Variants in SERPINC1 observed in about 807,000 individuals in gnomAD.
SERPINC1 encodes the protein antithrombin-III.
Under a neutral mutation model 43.4 loss-of-function variants are expected in SERPINC1, and 12 were observed. The observed-to-expected ratio is 0.28, with a 90% CI of 0.18 to 0.45. The LOEUF (loss-of-function observed/expected upper bound fraction) is 0.45. Among genes scored for constraint, SERPINC1 ranks in the 20% least tolerant of loss-of-function variants. SERPINC1 has a pLI of 1.00. For synonymous variants in SERPINC1, 210 were observed against 218.9 expected (o/e 0.96, Z 0.36); for missense variants, 423 against 578.8 (o/e 0.73, Z 2.76).
At chr1:173,905,968 T>A (rs1657487560) in intron 6 of SERPINC1, among the ~76,000 whole-genome samples, 1 of 152,248 alleles carries the variant, frequency 6.6e-6, no homozygotes, top group African/African-American at 2.4e-5. Flanking sequence ...CACTTTCCTC[T>A]GAGTTTGATC....
chr1:173,914,992 C>A (rs1236569607), intron 1 of SERPINC1, 73 bp from the exon 2 acceptor site: 2 of 1,566,714 alleles, frequency 1.3e-6, no homozygotes, highest in Non-Finnish European at 1.7e-6. Context: ...AGGGTTGCCC[C>A]AGTAAAGCAG....
chr1:173,910,006 A>C lies in SERPINC1; in HGVS notation c.763-64T>G, dbSNP rs1045759562. Reference sequence around the variant, plus strand: ...AGGAGGATAGTTATTGACACAAGACATATCCATATTATAGTGTTACATTAA... The same window carrying C: ...AGGAGGATAGTTATTGACACAAGACCTATCCATATTATAGTGTTACATTAA... On this transcript the variant is annotated intron_variant, in intron 4 of 6. Transcript: ENST00000367698. 24 of 1,483,054 alleles carry C rather than the reference A, an allele frequency of 1.6e-5. No homozygotes were observed. In the African/African-American group the frequency reaches 3.3e-4, roughly 20 times the overall value. The allele number at this position is 1,483,054 out of a possible 1,614,324, so 91.9% of individuals were successfully genotyped here.
chr1:173,910,425 C>A (rs993118562), intron 4 of SERPINC1, among the ~76,000 whole-genome samples: 11 of 151,298 alleles, frequency 7.3e-5, no homozygotes, highest in Non-Finnish European at 1.3e-4. Context: ...AAAAAAAAAC[C>A]AAAAAATTAG....
intron 6 of SERPINC1, among the ~76,000 whole-genome samples, chr1:173,906,379 T>C (rs77518291): frequency 1.3e-5 from 2 of 152,340 alleles, no homozygotes; most frequent in African/African-American, 2.4e-5. Context: ...ACCGTCTTCT[T>C]TACTGTGGGA....
intron 3 of SERPINC1, 106 bp from the exon 4 acceptor site, chr1:173,910,997 C>A: frequency 2.3e-6 from 3 of 1,327,786 alleles, no homozygotes; most frequent in Non-Finnish European, 3.2e-6. Context: ...TCCTTTCCCA[C>A]CATTTGATTA....
At chr1:173,910,024 T>A in intron 4 of SERPINC1, 82 bp from the exon 5 acceptor site, 1 of 1,321,062 alleles carries the variant, frequency 7.6e-7, no homozygotes, top group Non-Finnish European at 1.1e-6. Flanking sequence ...ATTATAGTGT[T>A]ACATTAATAT....
At chr1:173,906,359 G>GTGA (rs1179276657) in intron 6 of SERPINC1, among the ~76,000 whole-genome samples, 1 of 152,248 alleles carries the variant, frequency 6.6e-6, no homozygotes, top group African/African-American at 2.4e-5. Flanking sequence ...AACACGTTAA[G>GTGA]TGATATTCAA....
In SERPINC1 at chr1:173,903,973, G is replaced by A. The variant is rs1301351856; in HGVS notation, c.1311C>T (p.Asn437=). 14 of 1,613,926 alleles carry A rather than the reference G, an allele frequency of 8.7e-6. No individual in the cohort carries two copies. The highest frequency in any genetic ancestry group is 1.1e-5 in the Non-Finnish European group (13 of 1,179,768). Residue 437 remains asparagine (N), a synonymous_variant, in exon 7 of 7, where the codon AAC becomes AAT. Transcript: ENST00000367698. ...LNPNRVTFKA[N]RPFLVFIREV... ...CTCTTATAAAAACCAGGAAAGGCCT[G>A]TTGGCCTTGAAAGTCACCCTGTTGG...
At chr1:173,908,410 A>C (rs1011216845) in intron 5 of SERPINC1, among the ~76,000 whole-genome samples, 1 of 148,492 alleles carries the variant, frequency 6.7e-6, no homozygotes, top group East Asian at 2.0e-4. Context: ...GAATCACTTG[A>C]ATCTGGGGGG....
At position 173,914,406 on chromosome 1, in the gene SERPINC1, A is replaced by T. The variant is rs939847680; in HGVS notation, c.408+147T>A. 15 of 882,854 alleles carry T rather than the reference A, an allele frequency of 1.7e-5. No homozygotes were observed. The Admixed American group carries it at 3.2e-4, about 19-fold the overall frequency. 54.7% of individuals were successfully genotyped at this position (882,854 alleles called of 1,614,324 possible). Reference sequence around the variant, plus strand: ...AAAATGATTTTCAAAGGGAATTATAACACAGTGATGTTCAAAGGGAATCGT... The same window carrying T: ...AAAATGATTTTCAAAGGGAATTATATCACAGTGATGTTCAAAGGGAATCGT... On this transcript the variant is annotated intron_variant, in intron 2 of 6. Transcript: ENST00000367698.
At chr1:173,913,911 C>G (rs1657878559) in intron 2 of SERPINC1, among the ~76,000 whole-genome samples, 2 of 151,518 alleles carry the variant, frequency 1.3e-5, no homozygotes, top group South Asian at 2.1e-4. Flanking sequence ...AACCCCATCT[C>G]TACTAAAAAT....
intron 3 of SERPINC1, 29 bp downstream of exon 3, chr1:173,911,770 G>T: frequency 6.5e-7 from 1 of 1,548,094 alleles, no homozygotes; most frequent in Non-Finnish European, 8.9e-7. Context: ...GGAAGAACTC[G>T]GAGGTCAGGG....
At chr1:173,914,524 G>A in intron 2 of SERPINC1, 29 bp downstream of exon 2, 1 of 1,613,320 alleles carries the variant, frequency 6.2e-7, no homozygotes, top group South Asian at 1.1e-5. Context: ...TCCTAACAAG[G>A]TGGCTGGGCA....
At chr1:173,907,684 T>C (rs1167874907) in intron 5 of SERPINC1, among the ~76,000 whole-genome samples, 170 bp from the exon 6 acceptor site, 1 of 152,052 alleles carries the variant, frequency 6.6e-6, no homozygotes, top group Admixed American at 6.5e-5. Context: ...TTAAAAATAA[T>C]AAAGTACTTT....
chr1:173,910,487 A>G (rs1657723330), intron 4 of SERPINC1, among the ~76,000 whole-genome samples: 1 of 152,150 alleles, frequency 6.6e-6, no homozygotes, highest in Non-Finnish European at 1.5e-5. Flanking sequence ...AGGCTGAGGC[A>G]GGAGAATGCC....
chr1:173,915,104 C>T lies in SERPINC1; in HGVS notation c.42-185G>A, dbSNP rs1052785813. The T allele has an allele frequency of 2.3e-5, 33 of 1,461,134 alleles. No homozygotes were observed. The Admixed American group carries it at 6.3e-4, about 28-fold the overall frequency. 90.5% of individuals were successfully genotyped at this position (1,461,134 alleles called of 1,614,324 possible). ...CAGTCCTAGACTTCTTGCCAGGGGACAGTTCAGTTGCCTGGACGTGGTCAT... is the reference window on the plus strand; with the variant it reads ...CAGTCCTAGACTTCTTGCCAGGGGATAGTTCAGTTGCCTGGACGTGGTCAT... On this transcript the variant is annotated intron_variant, in intron 1 of 6. Coordinates refer to ENST00000367698, the MANE Select transcript of SERPINC1 (RefSeq NM_000488.4).
In SERPINC1 at chr1:173,907,341, G is replaced by A. The variant is rs956971348; in HGVS notation, c.1218+109C>T. On this transcript the variant is annotated intron_variant, in intron 6 of 6. Transcript: ENST00000367698. ...GAGAGGGCTGTATTATAGCAGGCCT[G>A]TGGAGGCCTTTTGCATGCCTTAACA... 27 of 852,778 alleles carry A rather than the reference G, an allele frequency of 3.2e-5. No individual in the cohort carries two copies. In the Admixed American group the frequency reaches 3.7e-4, roughly 12 times the overall value. The allele number at this position is 852,778 out of a possible 1,614,324, so 52.8% of individuals were successfully genotyped here.
At chr1:173,913,584 C>T (rs1438804054) in intron 2 of SERPINC1, among the ~76,000 whole-genome samples, 3 of 152,152 alleles carry the variant, frequency 2.0e-5, no homozygotes, top group Non-Finnish European at 2.9e-5. Flanking sequence ...AGGCCAGGCG[C>T]GGTGGCTTAC....
intron 4 of SERPINC1, 86 bp from the exon 5 acceptor site, chr1:173,910,028 TTAATA>T: frequency 7.6e-7 from 1 of 1,315,058 alleles, no homozygotes; most frequent in Non-Finnish European, 1.1e-6. Flanking sequence ...TAGTGTTACA[TTAATA>T]TATAATTATT....
Sources: gnomAD v4.1 joint callset for allele counts (sites outside exome capture counted in the v4.1 genomes callset) on GRCh38, gnomAD v4.1.1 for gene constraint, MANE v1.5 for transcripts, NCBI Gene and HGNC (gene_info 2026-07-23, HGNC 2026-07-21) for gene names.